The following YAP1 variants were observed in gnomAD, a reference collection of about 807,000 sequenced individuals.
The protein encoded by YAP1 is transcriptional coactivator YAP1.
YAP1 carries 5 observed loss-of-function variants against 56.9 expected under a neutral mutation model. The observed-to-expected ratio is 0.09, with a 90% CI of 0.05 to 0.18. The LOEUF (loss-of-function observed/expected upper bound fraction) is 0.18. Ranked by LOEUF, YAP1 falls within the 10% of genes least tolerant of loss-of-function variation. YAP1 has a pLI of 1.00. For missense variants in YAP1, 539 were observed against 651.8 expected (o/e 0.83, Z 1.88); for synonymous variants, 265 against 248.1 (o/e 1.07, Z -0.64).
At chr11:102,145,258 GT>G (rs1359393668) in intron 2 of YAP1, among the ~76,000 whole-genome samples, 1 of 152,166 alleles carries the variant, frequency 6.6e-6, no homozygotes, top group Non-Finnish European at 1.5e-5. Context: ...TCAGCTCAGT[GT>G]TTTTGGTGTT....
chr11:102,198,730 C>T (rs906384058), intron 4 of YAP1, among the ~76,000 whole-genome samples: 10 of 152,098 alleles, frequency 6.6e-5, no homozygotes, highest in African/African-American at 1.9e-4. Flanking sequence ...TGATGAATCT[C>T]AGATCAGTTC....
chr11:102,212,088 A>G (rs1022380443), intron 6 of YAP1, among the ~76,000 whole-genome samples: 4 of 152,196 alleles, frequency 2.6e-5, no homozygotes, highest in African/African-American at 9.7e-5. Context: ...TTCAGCCCCA[A>G]AGAACAGAGG....
At chr11:102,115,554 G>GT (rs35987047) in intron 2 of YAP1, among the ~76,000 whole-genome samples, 61,784 of 150,634 alleles carry the variant, frequency 0.41, 14,703 homozygotes, top group Middle Eastern at 0.57. Flanking sequence ...AGTTCGTACA[G>GT]TTTTTTTTTG....
At chr11:102,206,513 G>A (rs73583925) in intron 5 of YAP1, among the ~76,000 whole-genome samples, 2,442 of 152,210 alleles carry the variant, frequency 0.016, 74 homozygotes, top group African/African-American at 0.056. Flanking sequence ...ATATACTTCG[G>A]TATTACCGAA....
chr11:102,209,449 AAGTCAGCCTAC>A, intron 5 of YAP1, 57 bp from the exon 6 acceptor site: 1 of 1,378,884 alleles, frequency 7.3e-7, no homozygotes, highest in Non-Finnish European at 1.0e-6. Context: ...TACAATTTGT[AAGTCAGCCTAC>A]ACAGCCAGAC....
At chr11:102,124,688 C>T (rs1398597591) in intron 2 of YAP1, among the ~76,000 whole-genome samples, 1 of 152,034 alleles carries the variant, frequency 6.6e-6, no homozygotes, top group African/African-American at 2.4e-5. Context: ...CTGGGAGATC[C>T]CTTCAACTTT....
At chr11:102,162,392 A>G (rs1946344396) in intron 2 of YAP1, 64 bp from the exon 3 acceptor site, 1 of 1,417,368 alleles carries the variant, frequency 7.1e-7, no homozygotes, top group Non-Finnish European at 1.0e-6. Flanking sequence ...ATGAGCCCAC[A>G]AGATAAGAAT....
At chr11:102,154,095 A>AAT (rs2135363463) in intron 2 of YAP1, among the ~76,000 whole-genome samples, 1 of 152,300 alleles carries the variant, frequency 6.6e-6, no homozygotes, top group Admixed American at 6.5e-5. Flanking sequence ...AAAAGGTGAT[A>AAT]ATATATTTCA....
At chr11:102,188,511 G>C (rs1003534211) in intron 4 of YAP1, among the ~76,000 whole-genome samples, 1 of 152,196 alleles carries the variant, frequency 6.6e-6, no homozygotes, top group African/African-American at 2.4e-5. Context: ...TAACGTTTCA[G>C]TCAGCGGCAG....
intron 2 of YAP1, among the ~76,000 whole-genome samples, chr11:102,147,641 C>T (rs1280222537): frequency 6.6e-6 from 1 of 152,028 alleles, no homozygotes; most frequent in Non-Finnish European, 1.5e-5. Flanking sequence ...GAATCTCCAC[C>T]CCTGAGGATG....
Position 102,217,874 on chromosome 11 carries a change from T to A in YAP1, c.1033-5748T>A, listed in dbSNP as rs556967155. On this transcript the variant is annotated intron_variant, in intron 6 of 8. Coordinates refer to ENST00000282441, the MANE Select transcript of YAP1 (RefSeq NM_001130145.3). Reference sequence around the variant, plus strand: ...GCCATCACACCCAGCTAATTTTTTGTATTTTTAGTAGAGACGGGGTTTCTC... The same window carrying A: ...GCCATCACACCCAGCTAATTTTTTGAATTTTTAGTAGAGACGGGGTTTCTC... Among the ~76,000 whole-genome samples the A allele has an allele frequency of 3.9e-5, 6 of 152,234 alleles. No individual in the cohort carries two copies. In the East Asian group the frequency reaches 9.7e-4, roughly 25 times the overall value.
intron 2 of YAP1, among the ~76,000 whole-genome samples, chr11:102,142,933 G>A (rs1294676181): frequency 1.3e-5 from 2 of 152,184 alleles, no homozygotes; most frequent in Non-Finnish European, 2.9e-5. Context: ...GAGAGCAACT[G>A]TATCTTAAAT....
intron 3 of YAP1, 32 bp from the exon 4 acceptor site, chr11:102,185,986 C>A (rs529534032): frequency 3.6e-5 from 55 of 1,531,422 alleles, no homozygotes; most frequent in Non-Finnish European, 4.5e-5. Context: ...CAAATAAAAA[C>A]CATGATTTTT....
At chr11:102,218,621 T>C (rs1949773114) in intron 6 of YAP1, among the ~76,000 whole-genome samples, 2 of 152,214 alleles carry the variant, frequency 1.3e-5, no homozygotes, top group South Asian at 4.1e-4. Context: ...TTTTTTTCAT[T>C]GATTCTTTCA....
chr11:102,168,856 A>G (rs988050407), intron 3 of YAP1, among the ~76,000 whole-genome samples: 1 of 152,230 alleles, frequency 6.6e-6, no homozygotes, highest in African/African-American at 2.4e-5. Context: ...TATAAAAATG[A>G]TGGGTAAATT....
intron 2 of YAP1, among the ~76,000 whole-genome samples, chr11:102,122,066 C>T (rs1011594467): frequency 2.0e-5 from 3 of 152,112 alleles, no homozygotes; most frequent in Non-Finnish European, 2.9e-5. Flanking sequence ...CACACCTGGC[C>T]AGGCATATGG....
chr11:102,155,562 G>T (rs1426395), intron 2 of YAP1, among the ~76,000 whole-genome samples: 65,801 of 152,028 alleles, frequency 0.43, 15,626 homozygotes, highest in Middle Eastern at 0.56. Flanking sequence ...GAGGAGGAGT[G>T]GGTGGTGTCA....
At chr11:102,176,027 A>G (rs1220664187) in intron 3 of YAP1, among the ~76,000 whole-genome samples, 1 of 152,176 alleles carries the variant, frequency 6.6e-6, no homozygotes, top group Non-Finnish European at 1.5e-5. Context: ...TCAGATATTT[A>G]TGTTTATGGA....
chr11:102,206,782 C>T (rs934080173), intron 5 of YAP1, among the ~76,000 whole-genome samples: 2 of 152,164 alleles, frequency 1.3e-5, no homozygotes, highest in East Asian at 1.9e-4. Flanking sequence ...GGCAGAGGTT[C>T]GGTGAGCCAA....
Sources: gnomAD v4.1 joint callset for allele counts (sites outside exome capture counted in the v4.1 genomes callset) on GRCh38, gnomAD v4.1.1 for gene constraint, MANE v1.5 for transcripts, NCBI Gene and HGNC (gene_info 2026-07-23, HGNC 2026-07-21) for gene names.